ZNF300: variants seen among roughly 807,000 people sequenced by gnomAD.
ZNF300 encodes zinc finger protein 300.
A neutral mutation model predicts 13.9 loss-of-function variants in ZNF300; 6 were observed. The observed-to-expected ratio is 0.43, with a 90% CI of 0.24 to 0.85. The LOEUF (loss-of-function observed/expected upper bound fraction) is 0.85. ZNF300 is among the 40% of genes least tolerant of loss of function. The probability of loss-of-function intolerance (pLI) is 0.25; values close to 1 mark genes in which losing one functional copy is unlikely to be tolerated. For synonymous variants in ZNF300, 237 were observed against 242.2 expected, an observed-to-expected ratio of 0.98 and a Z score of 0.20; for missense variants, 662 against 714.2, an observed-to-expected ratio of 0.93 and a Z score of 0.83.
intron 2 of ZNF300, 117 bp from the exon 3 acceptor site, chr5:150,903,299 C>T (rs1755047371): frequency 6.3e-7 from 1 of 1,587,562 alleles, no homozygotes; most frequent in South Asian, 1.1e-5. Context: ...TAATGGGCTA[C>T]CCTGTGGGAT....
At chr5:150,903,020 G>C in intron 3 of ZNF300, 121 bp downstream of exon 3, 12 of 1,008,304 alleles carry the variant, frequency 1.2e-5, no homozygotes, top group Non-Finnish European at 1.6e-5. Flanking sequence ...AAACTCTTTC[G>C]AGGTCTTGAT....
At position 150,896,318 on chromosome 5, in the gene ZNF300, AC is replaced by A. The variant is rs1561755401; in HGVS notation, c.920del (p.Ser307MetfsTer90). On this transcript the variant is annotated frameshift_variant, in exon 6 of 6. Transcript: ENST00000274599. LOFTEE classifies it low-confidence loss of function (END_TRUNC). Reference protein sequence around the residue: ...YDCGACGKAFSEKFHLVVHQR... With the variant: ...YDCGACGKAFXEKFHLVVHQR... The stretch of plus-strand genomic sequence containing the variant: ...GATGTACAACAAGATGAAACTTCTC[AC>A]TGAAGGCTTTTCCGCATGCACCACA... 1 of 1,613,632 alleles carries A rather than the reference AC, an allele frequency of 6.2e-7. No homozygotes were observed. The highest frequency in any genetic ancestry group is 1.1e-5 in the South Asian group (1 of 91,044).
chr5:150,896,788 C>A lies in ZNF300; in HGVS notation c.451G>T (p.Val151Phe). The part of the protein sequence containing the change: ...QDKLFRQVTF[V>F]NSKTVTEASG... ...GCCTCAGTCACTGTTTTGCTGTTAACAAATGTGACCTGCCTGAAGAGTTTG... is the reference window on the plus strand; with the variant it reads ...GCCTCAGTCACTGTTTTGCTGTTAAAAAATGTGACCTGCCTGAAGAGTTTG... Residue 151 changes from valine (V) to phenylalanine (F), a missense_variant, in exon 6 of 6, where the codon GTT becomes TTT. Transcript: ENST00000274599. The A allele has an allele frequency of 6.2e-7, 1 of 1,613,742 alleles. No homozygotes were observed. Among genetic ancestry groups the A allele is most frequent in the Non-Finnish European group, 8.5e-7 (1 of 1,179,772 alleles).
chr5:150,903,054 T>C, intron 3 of ZNF300, 87 bp downstream of exon 3: 1 of 1,375,962 alleles, frequency 7.3e-7, no homozygotes, highest in Non-Finnish European at 1.0e-6. Context: ...ACCTTTTCCT[T>C]CATCCAGATT....
chr5:150,899,492 T>C (rs1212622892), intron 3 of ZNF300, among the ~76,000 whole-genome samples: 1 of 152,060 alleles, frequency 6.6e-6, no homozygotes, highest in East Asian at 1.9e-4. Flanking sequence ...CTAATCTCTT[T>C]ATTTCATAGG....
Position 150,894,566 on chromosome 5 carries a change from G to C in ZNF300, c.*858C>G, listed in dbSNP as rs751406652. ...GCAGAGTGTCCAGAGGGAAAAGCAA[G>C]CTCAGACGTGGTTTTTACACATTAG... On this transcript the variant is annotated 3_prime_UTR_variant, in exon 6 of 6. Transcript: ENST00000274599. 4 of 152,360 alleles carry C rather than the reference G, an allele frequency of 2.6e-5. No individual in the cohort carries two copies. Among genetic ancestry groups the C allele is most frequent in the Non-Finnish European group, 5.9e-5 (4 of 68,012 alleles). The allele number at this position is 152,360 out of a possible 1,614,324, so 9.4% of individuals were successfully genotyped here.
chr5:150,896,225 C>T lies in ZNF300; in HGVS notation c.1014G>A (p.Ser338=), dbSNP rs17800771. The T allele has an allele frequency of 0.045, 72,868 of 1,613,318 alleles. 2,102 individuals carry two copies. Among genetic ancestry groups the T allele is most frequent in the East Asian group, 0.15 (6,759 of 44,806 alleles). Residue 338 remains serine (S), a synonymous_variant, in exon 6 of 6, where the codon TCG becomes TCA. Transcript: ENST00000274599. The part of the protein sequence containing the change: ...SECGKAFSQK[S]SLIIHQRVHT... ...GAACTCTCTGATGTATAATAAGGGA[C>T]GATTTCTGAGAGAAGGCTTTTCCAC...
rs1343872321 is a variant in ZNF300 at position 150,895,926 on chromosome 5, T to C, written c.1313A>G (p.Lys438Arg). The C allele has an allele frequency of 6.2e-7, 1 of 1,613,318 alleles. No individual in the cohort carries two copies. ...KRIHTGEKPYKCAQCEEAFSR... is the reference protein window; with the variant it reads ...KRIHTGEKPYRCAQCEEAFSR... ...GAAGGCTTCCTCACATTGAGCACAT[T>C]TGTAGGGTTTCTCACCAGTGTGAAT... Residue 438 changes from lysine to arginine, a missense_variant, in exon 6 of 6, where the codon AAA becomes AGA. Coordinates refer to ENST00000274599, the MANE Select transcript of ZNF300 (RefSeq NM_052860.4).
At position 150,898,244 on chromosome 5, in the gene ZNF300, G is replaced by A. The variant is rs955997801; in HGVS notation, c.143-60C>T. ...CTGCACTGAAGGAAAAAGAGAAGGT[G>A]CAGTTTCAGATGGTCTACAATAAAG... On this transcript the variant is annotated intron_variant, in intron 4 of 5. Transcript: ENST00000274599. The A allele has an allele frequency of 5.0e-6, 8 of 1,604,682 alleles. No individual in the cohort carries two copies. In the Admixed American group the frequency reaches 1.2e-4, roughly 24 times the overall value.
intron 3 of ZNF300, among the ~76,000 whole-genome samples, chr5:150,901,617 A>G (rs1178439085): frequency 1.3e-5 from 2 of 152,148 alleles, no homozygotes; most frequent in Non-Finnish European, 2.9e-5. Context: ...AGCTGATTTC[A>G]AGATTTCACA....
chr5:150,902,086 C>T (rs1755013120), intron 3 of ZNF300, among the ~76,000 whole-genome samples: 1 of 152,080 alleles, frequency 6.6e-6, no homozygotes, highest in Non-Finnish European at 1.5e-5. Context: ...CACTGATTAT[C>T]CTGGGAGAAG....
At chr5:150,898,001 A>T in intron 5 of ZNF300, 61 bp downstream of exon 5, 2 of 1,565,844 alleles carry the variant, frequency 1.3e-6, no homozygotes. Flanking sequence ...TTTGATAAGG[A>T]TAGAAACATA....
At position 150,895,321 on chromosome 5, in the gene ZNF300, T is replaced by C. The variant is rs1334032803; in HGVS notation, c.*103A>G. The stretch of plus-strand genomic sequence containing the variant: ...AACTAGAAACAAATTCCCTTAAAAA[T>C]TTTTATCTATTGGGATGTTGTCCCC... On this transcript the variant is annotated 3_prime_UTR_variant, in exon 6 of 6. Transcript: ENST00000274599. 5.7e-6 allele frequency: 5 copies of C among 875,488 alleles called. No homozygotes were observed. In the East Asian group the frequency reaches 1.4e-4, roughly 25 times the overall value. 54.2% of individuals were successfully genotyped at this position (875,488 alleles called of 1,614,324 possible).
chr5:150,904,862 C>T lies in ZNF300; in HGVS notation c.-300G>A, dbSNP rs962863443. ...CCGGGCTCCCGAGGCTGCGCCGTTC[C>T]GTACTGGGCGGTTTTGCCCGTTCCG... On this transcript the variant is annotated 5_prime_UTR_variant, in exon 1 of 6. Transcript: ENST00000274599. 6.6e-6 allele frequency: 1 copy of T among 152,478 alleles called. No homozygotes were observed. Among genetic ancestry groups the T allele is most frequent in the Admixed American group, 6.5e-5 (1 of 15,288 alleles). The allele number at this position is 152,478 out of a possible 1,614,324, so 9.4% of individuals were successfully genotyped here. A position where few individuals can be genotyped will look rare whatever the true frequency, so the allele number is the denominator to read the frequency against.
Position 150,895,221 on chromosome 5 carries a change from C to T in ZNF300, c.*203G>A, listed in dbSNP as rs1754711063. 4.1e-6 allele frequency: 2 copies of T among 487,942 alleles called. No individual in the cohort carries two copies. Among genetic ancestry groups the T allele is most frequent in the African/African-American group, 3.9e-5 (2 of 51,164 alleles). The allele number at this position is 487,942 out of a possible 1,614,324, so 30.2% of individuals were successfully genotyped here. ...TGAGTTCATAACTTTAAAAGCTTTA[C>T]ATGCCATATTAAAAATGTTCTTCAT... On this transcript the variant is annotated 3_prime_UTR_variant, in exon 6 of 6. Coordinates refer to ENST00000274599, the MANE Select transcript of ZNF300 (RefSeq NM_052860.4).
intron 3 of ZNF300, among the ~76,000 whole-genome samples, chr5:150,901,788 A>G (rs916329832): frequency 1.3e-5 from 2 of 152,116 alleles, no homozygotes; most frequent in Non-Finnish European, 2.9e-5. Flanking sequence ...ATCCCAGGCA[A>G]CCAGGCCACA....
rs1403070905 is a variant in ZNF300, at chr5:150,896,058, G to C, written c.1181C>G (p.Ser394Ter). 1 of 1,613,536 alleles carries C rather than the reference G, an allele frequency of 6.2e-7. No homozygotes were observed. ...RECGKAFSQK[S>*]QLIIHHRAHT... Reference sequence around the variant, plus strand: ...AGCTCTGTGGTGTATAATCAGCTGTGACTTCTGGGAAAAGGCCTTCCCACA... The same window carrying C: ...AGCTCTGTGGTGTATAATCAGCTGTCACTTCTGGGAAAAGGCCTTCCCACA... The change falls in exon 6 of 6, where the codon TCA (serine) becomes TGA (stop). Residue 394 changes from serine to a stop codon, truncating the protein, a stop_gained. Transcript: ENST00000274599. LOFTEE classifies it low-confidence loss of function (END_TRUNC).
In ZNF300 at chr5:150,895,939, C is replaced by T. The variant is rs1754751706; in HGVS notation, c.1300G>A (p.Glu434Lys). ...LIIHKRIHTG[E>K]KPYKCAQCEE... ...CATTGAGCACATTTGTAGGGTTTCTCACCAGTGTGAATTCTTTTATGTATA... is the reference window on the plus strand; with the variant it reads ...CATTGAGCACATTTGTAGGGTTTCTTACCAGTGTGAATTCTTTTATGTATA... The change falls in exon 6 of 6, where the codon GAG (glutamate) becomes AAG (lysine). Residue 434 changes from glutamate (E) to lysine (K), a missense_variant. Physicochemically the swap from Glu to Lys is moderately conservative, Grantham distance 56 (BLOSUM62 1). Coordinates refer to ENST00000274599, the MANE Select transcript of ZNF300 (RefSeq NM_052860.4). The T allele has an allele frequency of 1.2e-6, 2 of 1,613,548 alleles. No individual in the cohort carries two copies. Among genetic ancestry groups the T allele is most frequent in the Non-Finnish European group, 1.7e-6 (2 of 1,179,800 alleles).
chr5:150,903,559 A>C (rs1197351939), intron 2 of ZNF300, among the ~76,000 whole-genome samples: 1 of 152,220 alleles, frequency 6.6e-6, no homozygotes, highest in African/African-American at 2.4e-5. Flanking sequence ...ATAAGTGAAG[A>C]TGGAGCTCCT....
Sources: allele counts gnomAD v4.1 joint callset (sites outside exome capture counted in the v4.1 genomes callset), GRCh38; gene constraint gnomAD v4.1.1; transcripts MANE v1.5; gene names NCBI Gene and HGNC (gene_info 2026-07-23, HGNC 2026-07-21).